The following NRAP variants were observed in gnomAD, a reference collection of about 807,000 sequenced individuals.
The protein encoded by NRAP is nebulin-related-anchoring protein.
NRAP carries 189 observed loss-of-function variants against 225.9 expected under a neutral mutation model. That is an observed-to-expected ratio of 0.84 (90% CI 0.74 to 0.94). The LOEUF (loss-of-function observed/expected upper bound fraction) is 0.94. Ranked by LOEUF, NRAP falls within the 40% of genes least tolerant of loss-of-function variation. The pLI, the probability that NRAP is intolerant of heterozygous loss-of-function variation, is 0.00. For synonymous variants in NRAP, 769 were observed against 790.7 expected (o/e 0.97, Z 0.46); for missense variants, 2,176 against 2,168.7 (o/e 1.00, Z -0.07).
Position 113,623,653 on chromosome 10 carries a change from G to T in NRAP, c.2350-17C>A, listed in dbSNP as rs753237769. 5 of 1,561,500 alleles carry T rather than the reference G, an allele frequency of 3.2e-6. No individual in the cohort carries two copies. Among genetic ancestry groups the T allele is most frequent in the Non-Finnish European group, 3.5e-6 (4 of 1,133,240 alleles). On this transcript the variant is annotated splice_polypyrimidine_tract_variant and intron_variant, in intron 22 of 41. Coordinates refer to ENST00000359988, the MANE Select transcript of NRAP (RefSeq NM_198060.4). ...ATACAGTTTCTAAGGGGATTTAGGAGAGAAGGTGAGTGGGTTTTCATGTGA... is the reference window on the plus strand; with the variant it reads ...ATACAGTTTCTAAGGGGATTTAGGATAGAAGGTGAGTGGGTTTTCATGTGA...
At chr10:113,609,456 T>C (rs1847194099) in intron 31 of NRAP, among the ~76,000 whole-genome samples, 1 of 152,208 alleles carries the variant, frequency 6.6e-6, no homozygotes, top group African/African-American at 2.4e-5. Context: ...TACCTTCCAT[T>C]ATCCCCTCTT....
intron 6 of NRAP, among the ~76,000 whole-genome samples, 191 bp from the exon 7 acceptor site, chr10:113,652,098 C>G (rs1407329211): frequency 6.6e-6 from 1 of 152,120 alleles, no homozygotes; most frequent in African/African-American, 2.4e-5. Context: ...CAGGAGTGTG[C>G]CAGGGACTGC....
Position 113,651,799 on chromosome 10 carries a change from T to C in NRAP, c.675+4A>G. 1.3e-6 allele frequency: 2 copies of C among 1,592,112 alleles called. No individual in the cohort carries two copies. Among genetic ancestry groups the C allele is most frequent in the South Asian group, 1.1e-5 (1 of 90,550 alleles). On this transcript the variant is annotated splice_donor_region_variant and intron_variant, in intron 7 of 41. Transcript: ENST00000359988. ...GTGATGGACTGGCCTCCCTCCTTTCTTACATCACTTTGAAGCTGTGCCCCA... is the reference window on the plus strand; with the variant it reads ...GTGATGGACTGGCCTCCCTCCTTTCCTACATCACTTTGAAGCTGTGCCCCA...
At chr10:113,653,892 T>C (rs1200107551) in intron 5 of NRAP, 129 bp downstream of exon 5, 2 of 718,128 alleles carry the variant, frequency 2.8e-6, no homozygotes, top group African/African-American at 3.5e-5. Context: ...TTTCAGGGAT[T>C]AGGACATGGG....
rs959146041 is a variant in NRAP at position 113,634,209 on chromosome 10, G to T, written c.1430C>A (p.Ala477Asp). Residue 477 changes from alanine (A) to aspartate (D), a missense_variant and splice_region_variant, in exon 15 of 42, where the codon GCC (alanine) becomes GAC (aspartate). Physicochemically the swap from Ala to Asp is moderately radical, Grantham distance 126. Transcript: ENST00000359988. Reference sequence around the variant, plus strand: ...CTTGTCGATGCTCTGCCTATAATTGGCCTAGGTAAAAACAGGCACAAAAAG... The same window carrying T: ...CTTGTCGATGCTCTGCCTATAATTGTCCTAGGTAAAAACAGGCACAAAAAG... ...TAMKLVPLKD[A>D]NYRQSIDKLK... 1.2e-6 allele frequency: 2 copies of T among 1,606,294 alleles called. No individual in the cohort carries two copies. The highest frequency in any genetic ancestry group is 1.7e-6 in the Non-Finnish European group (2 of 1,173,102).
intron 24 of NRAP, among the ~76,000 whole-genome samples, chr10:113,621,366 G>A (rs2133981545): frequency 6.6e-6 from 1 of 151,906 alleles, no homozygotes; most frequent in Non-Finnish European, 1.5e-5. Flanking sequence ...CAGTCTGGCT[G>A]CAGCTGACCT....
At chr10:113,615,858 T>C in intron 26 of NRAP, 42 bp from the exon 27 acceptor site, 1 of 1,092,742 alleles carries the variant, frequency 9.2e-7, no homozygotes, top group Non-Finnish European at 1.4e-6. Flanking sequence ...TAGACCCCAT[T>C]CCATGCAGCC....
chr10:113,591,119 A>G (rs1469637264), intron 39 of NRAP, among the ~76,000 whole-genome samples: 1 of 152,254 alleles, frequency 6.6e-6, no homozygotes, highest in Non-Finnish European at 1.5e-5. Flanking sequence ...TACACCCCAT[A>G]GGAGGTTGCG....
chr10:113,614,426 G>A (rs975044724), intron 28 of NRAP, 130 bp from the exon 29 acceptor site: 3 of 686,882 alleles, frequency 4.4e-6, no homozygotes, highest in Non-Finnish European at 7.8e-6. Flanking sequence ...AAATGCGCGG[G>A]AGTCGTCAAA....
At chr10:113,633,508 G>A (rs1302289141) in intron 15 of NRAP, among the ~76,000 whole-genome samples, 1 of 152,076 alleles carries the variant, frequency 6.6e-6, no homozygotes, top group Non-Finnish European at 1.5e-5. Context: ...TGAATATCTT[G>A]TTATAGGCAG....
At chr10:113,621,560 C>T (rs1847987041) in intron 24 of NRAP, among the ~76,000 whole-genome samples, 1 of 152,138 alleles carries the variant, frequency 6.6e-6, no homozygotes, top group South Asian at 2.1e-4. Context: ...CAGGCCACCA[C>T]TAGGAATGAC....
Position 113,650,085 on chromosome 10 carries a change from A to G in NRAP, c.840T>C (p.Ile280=). ...CCCTTGTCAAGATGCCCTCAGCTCC[A>G]ATGGCTGGACCAGCCATTCCCCTCA... ...KEMRGMAGPA[I]GAEGILTREC... is the part of the protein sequence containing the mutation. Residue 280 remains isoleucine (I), a synonymous_variant, in exon 9 of 42, where the codon ATT becomes ATC. Transcript: ENST00000359988. The G allele has an allele frequency of 6.2e-7, 1 of 1,613,050 alleles. No individual in the cohort carries two copies. The highest frequency in any genetic ancestry group is 2.2e-5 in the East Asian group (1 of 44,884).
chr10:113,614,432 T>C (rs1389575253), intron 28 of NRAP, 136 bp from the exon 29 acceptor site: 1 of 662,108 alleles, frequency 1.5e-6, no homozygotes, highest in East Asian at 2.7e-5. Flanking sequence ...GCGGGAGTCG[T>C]CAAAAGGGCT....
rs750532503 is a variant in NRAP at position 113,612,358 on chromosome 10, T to G, written c.3374A>C (p.His1125Pro). The change falls in exon 30 of 42, where the codon CAT becomes CCT. Residue 1125 changes from histidine (H) to proline (P), a missense_variant. His to Pro is a moderately conservative substitution (Grantham distance 77). Around this residue, in one of 3 missense-constraint regions of NRAP, gnomAD observed 1,708 missense variants for 1,695.5 expected, o/e 1.01. Coordinates refer to ENST00000359988, the MANE Select transcript of NRAP (RefSeq NM_198060.4). ...HLPLDMAALV[H>P]AKKAQTLASN... ...GGCCAGGGTCTGAGCCTTCTTGGCATGCACCAGGGCGGCCATGTCCAACGG... is the reference window on the plus strand; with the variant it reads ...GGCCAGGGTCTGAGCCTTCTTGGCAGGCACCAGGGCGGCCATGTCCAACGG... 3.1e-6 allele frequency: 5 copies of G among 1,614,216 alleles called. No homozygotes were observed. The Admixed American group carries it at 5.0e-5, about 16-fold the overall frequency.
rs767140374 is a variant in NRAP, at chr10:113,590,683, C to T, written c.4851G>A (p.Gln1617=). The change falls in exon 40 of 42, where the codon CAG becomes CAA. Residue 1617 remains glutamine, a synonymous_variant. Transcript: ENST00000359988. ...PGLLQAKRSQ[Q]LASDVHYRQP... ...GCCTGTAGTGCACATCACTGGCCAG[C>T]TGCTGGCTCCTCTTGGCCTGAAGGA... 1.6e-5 allele frequency: 26 copies of T among 1,614,208 alleles called. No homozygotes were observed. Among genetic ancestry groups the T allele is most frequent in the Non-Finnish European group, 1.7e-5 (20 of 1,180,042 alleles).
Position 113,592,315 on chromosome 10 carries a change from A to G in NRAP, c.4537-14T>C, listed in dbSNP as rs1386812618. On this transcript the variant is annotated splice_polypyrimidine_tract_variant and intron_variant, in intron 38 of 41. Coordinates refer to ENST00000359988, the MANE Select transcript of NRAP (RefSeq NM_198060.4). The stretch of plus-strand genomic sequence containing the variant: ...TCTGTAGACTTTCTAGATTGGAAAA[A>G]CAAAAGCATGAGTAAGCAGGCAGTC... 6.4e-7 allele frequency: 1 copy of G among 1,569,844 alleles called. No individual in the cohort carries two copies. Among genetic ancestry groups the G allele is most frequent in the Admixed American group, 1.7e-5 (1 of 59,496 alleles).
At chr10:113,601,369 T>G (rs1846591517) in intron 35 of NRAP, among the ~76,000 whole-genome samples, 1 of 152,192 alleles carries the variant, frequency 6.6e-6, no homozygotes, top group African/African-American at 2.4e-5. Context: ...CTTGTTTCCT[T>G]TTTTGCATAA....
chr10:113,615,740 GC>G lies in NRAP; in HGVS notation c.3049del (p.Ala1017ProfsTer3). The part of the protein sequence containing the change: ...PTADLPEVLL[A>X]KLNAMNISET... ...ACTGATATTCATGGCATTCAGCTTG[GC>G]CAGCAGGACTTCAGGGAGGTCAGCA... is the stretch of plus-strand genomic sequence containing the variant. On this transcript the variant is annotated frameshift_variant, in exon 27 of 42. Transcript: ENST00000359988. LOFTEE classifies it high-confidence loss of function. 1 of 1,609,886 alleles carries G rather than the reference GC, an allele frequency of 6.2e-7. No individual in the cohort carries two copies. Among genetic ancestry groups the G allele is most frequent in the Non-Finnish European group, 8.5e-7 (1 of 1,176,186 alleles).
intron 35 of NRAP, among the ~76,000 whole-genome samples, chr10:113,602,043 A>C (rs1564702176): frequency 6.6e-6 from 1 of 151,956 alleles, no homozygotes; most frequent in Non-Finnish European, 1.5e-5. Flanking sequence ...GCACCACCAC[A>C]CCCAGCTAAT....
Sources: gnomAD v4.1 joint callset for allele counts (sites outside exome capture counted in the v4.1 genomes callset) on GRCh38, gnomAD v4.1.1 for gene constraint, gnomAD v4.1.1 regional missense constraint, MANE v1.5 for transcripts, NCBI Gene and HGNC (gene_info 2026-07-23, HGNC 2026-07-21) for gene names.